The following TMIGD2 variants were observed in gnomAD, a reference collection of about 807,000 sequenced individuals.
TMIGD2 encodes the protein transmembrane and immunoglobulin domain containing 2, also known as transmembrane and immunoglobulin domain-containing protein 2.
In TMIGD2, 18 loss-of-function variants were observed where a neutral mutation model predicts 22.6. The ratio of observed to expected loss-of-function variants is 0.80; its 90% CI spans 0.55 to 1.18. The LOEUF (loss-of-function observed/expected upper bound fraction) is 1.18, where lower values mean the gene tolerates loss of function less well. TMIGD2 is among the 50% of genes most tolerant of loss of function. The pLI is 0.00. For missense variants in TMIGD2, 361 were observed against 378.2 expected (o/e 0.95, Z 0.38); for synonymous variants, 184 against 154.1 (o/e 1.19, Z -1.44).
chr19:4,299,154 A>T (rs1971502528), intron 1 of TMIGD2, among the ~76,000 whole-genome samples: 1 of 151,588 alleles, frequency 6.6e-6, no homozygotes, highest in Non-Finnish European at 1.5e-5. Context: ...TATTTTTTTA[A>T]TTTTTTTTGA....
chr19:4,294,630 C>G lies in TMIGD2; in HGVS notation c.499G>C (p.Val167Leu), dbSNP rs80276868. ...CGGCCCCAGAACCAGGCACCCCACA[C>G]GATCGCAGCCACACCCATGCTTCCC... The change falls in exon 4 of 5, where the codon GTG (valine) becomes CTG (leucine). Residue 167 changes from valine to leucine, a missense_variant. Physicochemically the swap from Val to Leu is conservative, Grantham distance 32. Coordinates refer to ENST00000301272, the Ensembl canonical transcript of TMIGD2. The G allele has an allele frequency of 5.6e-6, 9 of 1,607,344 alleles. No homozygotes were observed. In the Admixed American group the frequency reaches 6.8e-5, roughly 12 times the overall value.
exon 5 of TMIGD2, chr19:4,292,583 G>T: frequency 6.2e-7 from 1 of 1,610,136 alleles, no homozygotes; most frequent in Non-Finnish European, 8.5e-7. Context: ...GTCCTGTTGA[G>T]GTCTCCTGGG....
At chr19:4,294,845 G>C (rs779212921) in intron 2 of TMIGD2, 29 bp from the exon 3 acceptor site, 58 of 1,539,084 alleles carry the variant, frequency 3.8e-5, no homozygotes, top group Non-Finnish European at 5.0e-5. Flanking sequence ...TGTCACGGGG[G>C]TGCCAGGCTT....
intron 4 of TMIGD2, among the ~76,000 whole-genome samples, chr19:4,294,020 C>G (rs928910063): frequency 6.6e-6 from 1 of 152,052 alleles, no homozygotes; most frequent in African/African-American, 2.4e-5. Context: ...CCTCAGCCTC[C>G]CAAAGTGCTG....
intron 2 of TMIGD2, among the ~76,000 whole-genome samples, chr19:4,295,745 C>T (rs374875046): frequency 5.9e-5 from 9 of 151,948 alleles, no homozygotes; most frequent in South Asian, 2.1e-4. Context: ...ATTTTATAGA[C>T]GGGGAAACCG....
At chr19:4,297,568 G>C (rs1204733027) in intron 2 of TMIGD2, among the ~76,000 whole-genome samples, 1 of 152,114 alleles carries the variant, frequency 6.6e-6, no homozygotes, top group Non-Finnish European at 1.5e-5. Flanking sequence ...AAAATTCTTG[G>C]ATTATGGGCC....
chr19:4,299,153 A>T (rs930148126), intron 1 of TMIGD2, among the ~76,000 whole-genome samples: 6 of 151,944 alleles, frequency 3.9e-5, no homozygotes, highest in Middle Eastern at 3.4e-3. Flanking sequence ...TTATTTTTTT[A>T]ATTTTTTTTG....
chr19:4,300,029 G>C (rs974638062), intron 1 of TMIGD2, among the ~76,000 whole-genome samples: 4 of 152,106 alleles, frequency 2.6e-5, no homozygotes, highest in African/African-American at 9.7e-5. Context: ...GGGAGGCCGA[G>C]GCGGGTGGAT....
intron 2 of TMIGD2, among the ~76,000 whole-genome samples, chr19:4,296,343 A>G (rs1399277866): frequency 2.6e-5 from 4 of 152,244 alleles, no homozygotes; most frequent in African/African-American, 9.6e-5. Context: ...TCAAGGTCAC[A>G]CAGCAAGTAA....
chr19:4,294,880 A>G, intron 2 of TMIGD2, 64 bp from the exon 3 acceptor site: 1 of 1,448,584 alleles, frequency 6.9e-7, no homozygotes, highest in Non-Finnish European at 9.2e-7. Flanking sequence ...GACAGAGCTC[A>G]CTTGGGGGGA....
At chr19:4,296,977 T>C (rs1189620708) in intron 2 of TMIGD2, among the ~76,000 whole-genome samples, 1 of 152,084 alleles carries the variant, frequency 6.6e-6, no homozygotes, top group Non-Finnish European at 1.5e-5. Flanking sequence ...GTCTTGGCCC[T>C]CTCTGGTTCA....
intron 2 of TMIGD2, among the ~76,000 whole-genome samples, chr19:4,296,557 C>T (rs953355537): frequency 5.9e-5 from 9 of 152,288 alleles, no homozygotes; most frequent in East Asian, 1.9e-4. Context: ...GTTGGACCCG[C>T]GCCCACTCCC....
At chr19:4,294,714 A>G (rs753225112) in intron 3 of TMIGD2, 34 bp from the exon 4 acceptor site, 1 of 1,571,008 alleles carries the variant, frequency 6.4e-7, no homozygotes, top group Non-Finnish European at 8.6e-7. Flanking sequence ...TCTAATCAGG[A>G]GGGGAAGGGG....
chr19:4,302,058 A>G (rs1218020223), intron 1 of TMIGD2, among the ~76,000 whole-genome samples: 1 of 152,174 alleles, frequency 6.6e-6, no homozygotes, highest in Admixed American at 6.6e-5. Flanking sequence ...AAAAGTCCCC[A>G]GGCTAGAGCA....
intron 4 of TMIGD2, among the ~76,000 whole-genome samples, 166 bp downstream of exon 4, chr19:4,294,413 T>C (rs8104172): frequency 0.049 from 7,443 of 152,168 alleles, 578 homozygotes; most frequent in African/African-American, 0.17. Context: ...AGGGGCTTTG[T>C]CTCTATTTCT....
chr19:4,293,474 C>A (rs577314446), intron 4 of TMIGD2, among the ~76,000 whole-genome samples: 24 of 144,542 alleles, frequency 1.7e-4, no homozygotes, highest in Admixed American at 4.9e-4. Flanking sequence ...GTTGGCCAGG[C>A]TGGTCTCGAA....
At chr19:4,298,390 T>G in intron 1 of TMIGD2, 45 bp from the exon 2 acceptor site, 1 of 1,506,216 alleles carries the variant, frequency 6.6e-7, no homozygotes, top group Non-Finnish European at 8.8e-7. Flanking sequence ...ACTGTGCGCA[T>G]GTGAGGCTGT....
At chr19:4,293,315 C>A (rs10424457) in intron 4 of TMIGD2, among the ~76,000 whole-genome samples, 1 of 143,038 alleles carries the variant, frequency 7.0e-6, no homozygotes, top group Non-Finnish European at 1.5e-5. Context: ...TGGAGTGTAG[C>A]AGCGGTGCGA....
exon 5 of TMIGD2, chr19:4,292,713 T>C: frequency 1.9e-6 from 3 of 1,606,370 alleles, no homozygotes; most frequent in Non-Finnish European, 1.7e-6. Flanking sequence ...TGGGGCAGGG[T>C]CTCGGGCTGG....
Sources: gnomAD v4.1 joint callset for allele counts (sites outside exome capture counted in the v4.1 genomes callset) on GRCh38, gnomAD v4.1.1 for gene constraint, MANE v1.5 for transcripts, NCBI Gene and HGNC (gene_info 2026-07-23, HGNC 2026-07-21) for gene names.